GRIK4: variants seen among roughly 807,000 people sequenced by gnomAD.
GRIK4 encodes the protein glutamate ionotropic receptor kainate type subunit 4.
GRIK4 carries 40 observed loss-of-function variants against 104.9 expected under a neutral mutation model. The ratio of observed to expected loss-of-function variants is 0.38; its 90% CI spans 0.30 to 0.50. The LOEUF (loss-of-function observed/expected upper bound fraction) is 0.50, where lower values mean the gene tolerates loss of function less well. Ranked by LOEUF, GRIK4 falls within the 20% of genes least tolerant of loss-of-function variation. GRIK4 has a pLI of 0.93. For synonymous variants in GRIK4, 485 were observed against 524.9 expected (o/e 0.92, Z 1.04); for missense variants, 1,047 against 1,308.1 (o/e 0.80, Z 3.08).
intron 3 of GRIK4, among the ~76,000 whole-genome samples, chr11:120,783,040 A>C (rs2135477064): frequency 6.6e-6 from 1 of 152,270 alleles, no homozygotes; most frequent in African/African-American, 2.4e-5. Flanking sequence ...TACTACCTTC[A>C]CATTGGGGAC....
At chr11:120,720,352 G>A (rs1950908383) in intron 3 of GRIK4, among the ~76,000 whole-genome samples, 2 of 152,204 alleles carry the variant, frequency 1.3e-5, no homozygotes, top group Non-Finnish European at 1.5e-5. Flanking sequence ...GACATCCTTT[G>A]ATGTGCGTTT....
chr11:120,668,143 A>G (rs1565284195), intron 3 of GRIK4, among the ~76,000 whole-genome samples: 4 of 148,674 alleles, frequency 2.7e-5, no homozygotes, highest in African/African-American at 5.0e-5. Context: ...AGATAGATAG[A>G]TAGATAAGTA....
At chr11:120,512,767 G>A (rs1947679232) in intron 1 of GRIK4, among the ~76,000 whole-genome samples, 1 of 152,148 alleles carries the variant, frequency 6.6e-6, no homozygotes, top group African/African-American at 2.4e-5. Flanking sequence ...GGGGTTCAAG[G>A]CACTGAGAGC....
intron 2 of GRIK4, among the ~76,000 whole-genome samples, chr11:120,655,392 C>T (rs988535159): frequency 3.9e-5 from 6 of 151,926 alleles, no homozygotes; most frequent in Non-Finnish European, 7.4e-5. Context: ...CATCAGGTGC[C>T]GTAGGGTACA....
intron 1 of GRIK4, among the ~76,000 whole-genome samples, chr11:120,629,241 T>C (rs1045200070): frequency 2.0e-5 from 3 of 152,200 alleles, no homozygotes; most frequent in Non-Finnish European, 4.4e-5. Context: ...GTTTGAATCC[T>C]GTCTATACCA....
chr11:120,800,082 G>C (rs555725209), intron 3 of GRIK4, among the ~76,000 whole-genome samples: 3 of 151,362 alleles, frequency 2.0e-5, no homozygotes, highest in African/African-American at 7.3e-5. Flanking sequence ...TCAAACTCAC[G>C]ACCTCGGGTG....
chr11:120,937,552 C>T (rs1047826306), intron 13 of GRIK4, among the ~76,000 whole-genome samples: 1 of 152,202 alleles, frequency 6.6e-6, no homozygotes, highest in African/African-American at 2.4e-5. Flanking sequence ...CCTTCCCTGC[C>T]TCCCTTTCCC....
chr11:120,926,128 T>C (rs1231868186), intron 13 of GRIK4, among the ~76,000 whole-genome samples: 1 of 152,204 alleles, frequency 6.6e-6, no homozygotes, highest in Non-Finnish European at 1.5e-5. Context: ...GTGGTAGTAG[T>C]GATGTGAGGA....
In GRIK4 at chr11:120,902,037, C is replaced by T. The variant is rs566621805; in HGVS notation, c.1273-3253C>T. On this transcript the variant is annotated intron_variant, in intron 12 of 20. Transcript: ENST00000527524. This position sits in a 1 kb window ranked among gnomAD's most constrained non-coding sequence, Gnocchi z 4.5. ...GATAGCTCTTACCAGGAATGACGAT[C>T]TTAATTCAGTTCCCAGGTGACCATC... Among the ~76,000 whole-genome samples, 1 of 152,294 alleles carries T rather than the reference C, an allele frequency of 6.6e-6. No individual in the cohort carries two copies. The highest frequency in any genetic ancestry group is 1.9e-4 in the East Asian group (1 of 5,190).
chr11:120,910,407 T>C lies in GRIK4; in HGVS notation c.1476+4914T>C, dbSNP rs145071864. The stretch of plus-strand genomic sequence containing the variant: ...GTGGATTCACACAAACTGGGCCAGT[T>C]GGGTGGCCTCTCACCCTGGGGCTGT... On this transcript the variant is annotated intron_variant, in intron 13 of 20. Coordinates refer to ENST00000527524, the MANE Select transcript of GRIK4 (RefSeq NM_014619.5). Among the ~76,000 whole-genome samples, 380 of 152,280 alleles carry C rather than the reference T, an allele frequency of 2.5e-3. 2 individuals are homozygous for C. Among genetic ancestry groups the C allele is most frequent in the African/African-American group, 8.4e-3 (349 of 41,544 alleles).
intron 1 of GRIK4, among the ~76,000 whole-genome samples, chr11:120,522,600 T>A (rs1947809130): frequency 1.3e-5 from 2 of 152,126 alleles, no homozygotes; most frequent in Non-Finnish European, 2.9e-5. Context: ...GGATTACAGG[T>A]GTGAGCCACT....
intron 13 of GRIK4, among the ~76,000 whole-genome samples, chr11:120,923,681 G>A (rs536819318): frequency 6.6e-6 from 1 of 152,180 alleles, no homozygotes; most frequent in African/African-American, 2.4e-5. Context: ...CCAAAGTGCT[G>A]GGATCACAGG....
intron 3 of GRIK4, among the ~76,000 whole-genome samples, chr11:120,705,751 AT>A (rs1459244870): frequency 2.6e-5 from 4 of 152,012 alleles, no homozygotes; most frequent in Non-Finnish European, 4.4e-5. Flanking sequence ...ATTCCTAGGT[AT>A]TTTGTTCTTT....
intron 1 of GRIK4, among the ~76,000 whole-genome samples, chr11:120,614,040 C>G (rs987205662): frequency 7.9e-5 from 12 of 152,192 alleles, no homozygotes; most frequent in Non-Finnish European, 1.6e-4. Flanking sequence ...TGTTCCCTCC[C>G]CTCTGCATAT....
Position 120,802,179 on chromosome 11 carries a change from C to G in GRIK4, c.83-514C>G, listed in dbSNP as rs572912192. ...AGCTCACTTTGGTGGCATGGCCCATCGGTGTCAGAGCCTGGGGAGCCAGCA... is the reference window on the plus strand; with the variant it reads ...AGCTCACTTTGGTGGCATGGCCCATGGGTGTCAGAGCCTGGGGAGCCAGCA... On this transcript the variant is annotated intron_variant, in intron 3 of 20. Transcript: ENST00000527524. 2.0e-5 allele frequency among the ~76,000 whole-genome samples: 3 copies of G among 152,308 alleles called. No homozygotes were observed. In the South Asian group the frequency reaches 6.2e-4, roughly 32 times the overall value.
intron 13 of GRIK4, among the ~76,000 whole-genome samples, chr11:120,934,324 G>A (rs1023932541): frequency 2.0e-5 from 3 of 151,944 alleles, no homozygotes; most frequent in Non-Finnish European, 2.9e-5. Context: ...AAGGGAGGGA[G>A]ATGAGAAGGC....
chr11:120,949,214 G>A (rs541177898), intron 14 of GRIK4, among the ~76,000 whole-genome samples: 2 of 152,258 alleles, frequency 1.3e-5, no homozygotes, highest in African/African-American at 4.8e-5. Flanking sequence ...ATAGCTCCAT[G>A]GACAGCCCCA....
intron 19 of GRIK4, among the ~76,000 whole-genome samples, chr11:120,973,373 C>A (rs1409434643): frequency 6.6e-6 from 1 of 152,022 alleles, no homozygotes. Flanking sequence ...CACTTTGGGA[C>A]CAAATGTTCC....
intron 1 of GRIK4, among the ~76,000 whole-genome samples, chr11:120,584,661 A>T (rs1224063269): frequency 6.6e-6 from 1 of 152,192 alleles, no homozygotes; most frequent in Non-Finnish European, 1.5e-5. Context: ...AACACTGGGG[A>T]TTACATTTCA....
Sources: allele counts gnomAD v4.1 joint callset (sites outside exome capture counted in the v4.1 genomes callset), GRCh38; gene constraint gnomAD v4.1.1; non-coding constraint Gnocchi (gnomAD v3.1); transcripts MANE v1.5; gene names NCBI Gene and HGNC (gene_info 2026-07-23, HGNC 2026-07-21).